Variants in FRMD5 observed in about 807,000 individuals in gnomAD.
The protein encoded by FRMD5 is FERM domain-containing protein 5.
In FRMD5, 20 loss-of-function variants were observed where a neutral mutation model predicts 69.0. The observed-to-expected ratio is 0.29, with a 90% CI of 0.20 to 0.42. The LOEUF (loss-of-function observed/expected upper bound fraction) is 0.42, where lower values mean the gene tolerates loss of function less well. Ranked by LOEUF, FRMD5 falls within the 10% of genes least tolerant of loss-of-function variation. The probability of loss-of-function intolerance (pLI) is 1.00; values close to 1 mark genes in which losing one functional copy is unlikely to be tolerated. For missense variants in FRMD5, 595 were observed against 708.6 expected (o/e 0.84, Z 1.82); for synonymous variants, 271 against 260.1 (o/e 1.04, Z -0.40).
In FRMD5 at chr15:43,885,671, C is replaced by T; in HGVS notation, c.959+10G>A. 6.2e-7 allele frequency: 1 copy of T among 1,606,370 alleles called. No homozygotes were observed. The highest frequency in any genetic ancestry group is 2.2e-5 in the East Asian group (1 of 44,852). On this transcript the variant is annotated intron_variant, in intron 11 of 13. Transcript: ENST00000417257. ...TAGATCCATAATGGTTACTTACTGT[C>T]ACTATTTACCTGTATCGGAACCGGC...
intron 1 of FRMD5, among the ~76,000 whole-genome samples, chr15:44,110,106 C>T (rs887815423): frequency 6.6e-6 from 1 of 152,100 alleles, no homozygotes; most frequent in African/African-American, 2.4e-5. Context: ...TGTAAAATAA[C>T]CTCCTTTCTT....
At chr15:43,970,980 T>C (rs1442239553) in intron 1 of FRMD5, among the ~76,000 whole-genome samples, 1 of 152,134 alleles carries the variant, frequency 6.6e-6, no homozygotes, top group African/African-American at 2.4e-5. Context: ...CCAGGTGTGG[T>C]GGTTCACACC....
chr15:43,883,779 G>A lies in FRMD5; in HGVS notation c.1059C>T (p.Pro353=), dbSNP rs2088594771. 6.2e-7 allele frequency: 1 copy of A among 1,614,086 alleles called. No individual in the cohort carries two copies. Among genetic ancestry groups the A allele is most frequent in the Non-Finnish European group, 8.5e-7 (1 of 1,179,930 alleles). Residue 353 remains proline, a synonymous_variant, in exon 13 of 14, where the codon CCC becomes CCT. Transcript: ENST00000417257. The part of the protein sequence containing the change: ...RAGMVPSRSC[P]SITHGPRLSS... ...TCAGCCTTGGGCCATGGGTTATGGA[G>A]GGACAGCTCCGGCTGGGAACCATCC...
rs144144208 is a variant in FRMD5 at position 44,038,169 on chromosome 15, C to G, written c.103-113860G>C. ...GTTTTTTTTATTGTAAATTTAAGTT[C>G]TTTGTAGATTCTGGATATTAGCCCT... On this transcript the variant is annotated intron_variant, in intron 1 of 13. Transcript: ENST00000417257. Among the ~76,000 whole-genome samples, 369 of 152,034 alleles carry G rather than the reference C, an allele frequency of 2.4e-3. 2 individuals are homozygous for G. The highest frequency in any genetic ancestry group is 5.0e-3 in the Admixed American group (76 of 15,264).
At chr15:44,033,357 G>A (rs1033286435) in intron 1 of FRMD5, among the ~76,000 whole-genome samples, 6 of 151,776 alleles carry the variant, frequency 4.0e-5, no homozygotes, top group African/African-American at 1.5e-4. Flanking sequence ...GTTTACATAT[G>A]TAAAAAACCT....
At chr15:44,025,644 T>C (rs1004706540) in intron 1 of FRMD5, among the ~76,000 whole-genome samples, 24 of 152,162 alleles carry the variant, frequency 1.6e-4, no homozygotes, top group Admixed American at 1.2e-3. Flanking sequence ...CTGTTGACTT[T>C]GGAATAAAAT....
At chr15:43,994,271 G>A (rs1889821632) in intron 1 of FRMD5, among the ~76,000 whole-genome samples, 1 of 151,842 alleles carries the variant, frequency 6.6e-6, no homozygotes, top group Non-Finnish European at 1.5e-5. Context: ...GTTACCATGA[G>A]GCTTACACAG....
intron 1 of FRMD5, among the ~76,000 whole-genome samples, chr15:44,144,883 T>C (rs2077332687): frequency 6.6e-6 from 1 of 152,114 alleles, no homozygotes; most frequent in South Asian, 2.1e-4. Context: ...TGGTCCTAAG[T>C]GTAGAAAGCT....
chr15:43,930,204 T>C (rs2089651224), intron 1 of FRMD5, among the ~76,000 whole-genome samples: 1 of 152,184 alleles, frequency 6.6e-6, no homozygotes, highest in East Asian at 1.9e-4. Flanking sequence ...TCCTGCTTAG[T>C]CGTAAACCAA....
At chr15:44,128,649 C>T (rs1041275126) in intron 1 of FRMD5, among the ~76,000 whole-genome samples, 2 of 152,004 alleles carry the variant, frequency 1.3e-5, no homozygotes, top group African/African-American at 2.4e-5. Flanking sequence ...CTTACCTAAG[C>T]AAACTGGTAC....
rs1371232602 is a variant in FRMD5 at position 43,888,842 on chromosome 15, T to C, written c.759A>G (p.Gly253=). The stretch of plus-strand genomic sequence containing the variant: ...GACTTACGTATAAATAGAAAGTCTT[T>C]CCTTCAAATTTCAGCTTGGTCACCT... ...WNEVTKLKFE[G]KTFYLYVSQK... The change falls in exon 9 of 14, where the codon GGA becomes GGG. Residue 253 remains glycine (G), a synonymous_variant. Coordinates refer to ENST00000417257, the MANE Select transcript of FRMD5 (RefSeq NM_032892.5). 2 of 1,613,950 alleles carry C rather than the reference T, an allele frequency of 1.2e-6. No individual in the cohort carries two copies. Among genetic ancestry groups the C allele is most frequent in the African/African-American group, 2.7e-5 (2 of 74,928 alleles).
chr15:43,976,892 G>A (rs1320798126), intron 1 of FRMD5, among the ~76,000 whole-genome samples: 4 of 151,428 alleles, frequency 2.6e-5, no homozygotes, highest in South Asian at 2.1e-4. Context: ...GTGCAGTAGC[G>A]TGATTTCAGC....
Position 43,905,813 on chromosome 15 carries a change from T to A in FRMD5, c.551+15A>T, listed in dbSNP as rs1277516734. On this transcript the variant is annotated intron_variant, in intron 6 of 13. Transcript: ENST00000417257. ...AGAAGCCACAATGTTCTGGGCCTGA[T>A]TAAGTGCCACGTACCTCAGTTCCGT... 2.5e-6 allele frequency: 4 copies of A among 1,613,576 alleles called. No individual in the cohort carries two copies. The highest frequency in any genetic ancestry group is 3.4e-6 in the Non-Finnish European group (4 of 1,179,954).
chr15:44,094,934 C>A (rs2076529058), intron 1 of FRMD5, among the ~76,000 whole-genome samples: 1 of 151,978 alleles, frequency 6.6e-6, no homozygotes, highest in Non-Finnish European at 1.5e-5. Flanking sequence ...ATTATTATAT[C>A]CATGGATATA....
intron 1 of FRMD5, among the ~76,000 whole-genome samples, chr15:44,151,934 G>A (rs948984308): frequency 2.0e-5 from 3 of 152,198 alleles, no homozygotes; most frequent in Non-Finnish European, 4.4e-5. Flanking sequence ...GCCAGGCCAG[G>A]CGCGGTGGAT....
rs973624519 is a variant in FRMD5 at position 43,871,475 on chromosome 15, A to G, written c.*2410T>C. 2.6e-5 allele frequency: 4 copies of G among 152,314 alleles called. No individual in the cohort carries two copies. The highest frequency in any genetic ancestry group is 3.9e-4 in the East Asian group (2 of 5,190). The allele number at this position is 152,314 out of a possible 1,614,324, so 9.4% of individuals were successfully genotyped here. A position where few individuals can be genotyped will look rare whatever the true frequency, so the allele number is the denominator to read the frequency against. ...AGGTAGGAGCACTACACTAAAAGGT[A>G]ATCTTCTATGTTGCATAAGACAGTA... On this transcript the variant is annotated 3_prime_UTR_variant, in exon 14 of 14. Transcript: ENST00000417257.
At chr15:43,906,514 G>A (rs1011276596) in intron 5 of FRMD5, among the ~76,000 whole-genome samples, 11 of 152,172 alleles carry the variant, frequency 7.2e-5, no homozygotes, top group Admixed American at 2.6e-4. Context: ...GGCTGACCAG[G>A]TGCCAGGTTC....
intron 7 of FRMD5, among the ~76,000 whole-genome samples, chr15:43,892,514 G>A (rs985353553): frequency 6.6e-6 from 1 of 152,246 alleles, no homozygotes. Flanking sequence ...TGTCCACACA[G>A]AAACTGGTAC....
chr15:44,135,599 A>G (rs2615268), intron 1 of FRMD5, among the ~76,000 whole-genome samples: 136,223 of 152,122 alleles, frequency 0.9, 61,444 homozygotes, highest in East Asian at 1. Context: ...AGGCCAAGGC[A>G]GTGGGGATCA....
Sources: allele counts gnomAD v4.1 joint callset (sites outside exome capture counted in the v4.1 genomes callset), GRCh38; gene constraint gnomAD v4.1.1; transcripts MANE v1.5; gene names NCBI Gene and HGNC (gene_info 2026-07-23, HGNC 2026-07-21).